Variants in KIRREL3 observed in about 807,000 individuals in gnomAD.
The protein encoded by KIRREL3 is kirre like nephrin family adhesion molecule 3, also known as kin of IRRE-like protein 3.
KIRREL3 carries 36 observed loss-of-function variants against 89.7 expected under a neutral mutation model. The observed-to-expected ratio is 0.40, with a 90% CI of 0.31 to 0.53. The LOEUF is 0.53. KIRREL3 is among the 20% of genes least tolerant of loss of function. KIRREL3 has a pLI of 0.49. For missense variants in KIRREL3, 864 were observed against 1,056.6 expected (o/e 0.82, Z 2.53); for synonymous variants, 445 against 441.4 (o/e 1.01, Z -0.10).
At chr11:126,774,688 G>C (rs1354027928) in intron 1 of KIRREL3, among the ~76,000 whole-genome samples, 1 of 152,044 alleles carries the variant, frequency 6.6e-6, no homozygotes, top group Non-Finnish European at 1.5e-5. Flanking sequence ...GTTCTCTCAG[G>C]TCCAGCTGAA....
chr11:126,658,482 A>G (rs1269519615), intron 1 of KIRREL3, among the ~76,000 whole-genome samples: 1 of 152,204 alleles, frequency 6.6e-6, no homozygotes, highest in Non-Finnish European at 1.5e-5. Flanking sequence ...ATGAATGTTC[A>G]CCACTGCAGT....
intron 11 of KIRREL3, among the ~76,000 whole-genome samples, chr11:126,439,845 A>C (rs1013846746): frequency 3.3e-5 from 5 of 150,480 alleles, no homozygotes; most frequent in Middle Eastern, 3.4e-3. Flanking sequence ...AAACAAACCC[A>C]AAAAACACAC....
Position 126,788,633 on chromosome 11 carries a change from T to G in KIRREL3, c.55+211822A>C, listed in dbSNP as rs1218563410. ...TGTGCTGCAGTTGCTATGTCTTGGGTTAAAAGTCTGTTTAGCCTCACCAGA... is the reference window on the plus strand; with the variant it reads ...TGTGCTGCAGTTGCTATGTCTTGGGGTAAAAGTCTGTTTAGCCTCACCAGA... On this transcript the variant is annotated intron_variant, in intron 1 of 16. Transcript: ENST00000525144. This position sits in a 1 kb window ranked among gnomAD's most constrained non-coding sequence, Gnocchi z 4.1. Among the ~76,000 whole-genome samples the G allele has an allele frequency of 6.6e-6, 1 of 152,140 alleles. No homozygotes were observed. The highest frequency in any genetic ancestry group is 1.5e-5 in the Non-Finnish European group (1 of 68,034).
At position 126,900,171 on chromosome 11, in the gene KIRREL3, A is replaced by G. The variant is rs1215282308; in HGVS notation, c.55+100284T>C. 1.3e-5 allele frequency among the ~76,000 whole-genome samples: 2 copies of G among 152,190 alleles called. No homozygotes were observed. The highest frequency in any genetic ancestry group is 4.8e-5 in the African/African-American group (2 of 41,458). On this transcript the variant is annotated intron_variant, in intron 1 of 16. Transcript: ENST00000525144. This position sits in a 1 kb window ranked among gnomAD's most constrained non-coding sequence, Gnocchi z 4.4. Reference sequence around the variant, plus strand: ...AGTGTATCTGTTCCCATGTGTGTAAATATACAGCTCTCATGTGCCTAATTT... The same window carrying G: ...AGTGTATCTGTTCCCATGTGTGTAAGTATACAGCTCTCATGTGCCTAATTT...
chr11:126,878,330 C>G (rs1765927692), intron 1 of KIRREL3, among the ~76,000 whole-genome samples: 1 of 152,130 alleles, frequency 6.6e-6, no homozygotes, highest in Non-Finnish European at 1.5e-5. Flanking sequence ...TGGGGTCTCA[C>G]CACCTCCCAC....
chr11:126,444,859 T>A, intron 10 of KIRREL3, 120 bp downstream of exon 10: 1 of 1,328,832 alleles, frequency 7.5e-7, no homozygotes, highest in Non-Finnish European at 1.0e-6. Flanking sequence ...CTACCCATAG[T>A]TGGAGGTGAC....
rs1471894643 is a variant in KIRREL3, at chr11:126,814,807, G to A, written c.55+185648C>T. Among the ~76,000 whole-genome samples, 2 of 152,156 alleles carry A rather than the reference G, an allele frequency of 1.3e-5. No individual in the cohort carries two copies. Among genetic ancestry groups the A allele is most frequent in the East Asian group, 1.9e-4 (1 of 5,194 alleles). The stretch of plus-strand genomic sequence containing the variant: ...GGGAGGGAGAGCACTAGGAAGAATA[G>A]CTAATGGATGCTGGGCTTAATACCT... On this transcript the variant is annotated intron_variant, in intron 1 of 16. Transcript: ENST00000525144. The surrounding 1 kb of genome is among the most constrained non-coding windows in gnomAD (Gnocchi z 4.4).
intron 1 of KIRREL3, among the ~76,000 whole-genome samples, chr11:126,692,960 C>G (rs963093074): frequency 5.9e-5 from 9 of 152,218 alleles, no homozygotes; most frequent in Admixed American, 1.3e-4. Context: ...TGGCCCATAG[C>G]CTGTGGTGGA....
intron 1 of KIRREL3, among the ~76,000 whole-genome samples, chr11:126,849,684 A>C (rs1436988298): frequency 6.6e-6 from 1 of 152,146 alleles, no homozygotes; most frequent in Non-Finnish European, 1.5e-5. Flanking sequence ...GGCGGTGGGG[A>C]GAACGGGCAC....
chr11:126,839,875 A>G (rs1007685391), intron 1 of KIRREL3, among the ~76,000 whole-genome samples: 5 of 152,194 alleles, frequency 3.3e-5, no homozygotes, highest in African/African-American at 7.2e-5. Flanking sequence ...GTCTTTTTGA[A>G]CCAAAATGCA....
chr11:126,473,531 T>C (rs1956983785), intron 4 of KIRREL3, 65 bp from the exon 5 acceptor site: 27 of 1,402,852 alleles, frequency 1.9e-5, no homozygotes, highest in Non-Finnish European at 2.6e-5. Context: ...GCAGGCAGGC[T>C]GGGAGGATTT....
At chr11:126,873,486 G>A (rs1207125725) in intron 1 of KIRREL3, among the ~76,000 whole-genome samples, 1 of 152,188 alleles carries the variant, frequency 6.6e-6, no homozygotes, top group Non-Finnish European at 1.5e-5. Flanking sequence ...CTGGCTGCAG[G>A]AAAGTATGTG....
rs1945087822 is a variant in KIRREL3, at chr11:126,655,341, C to T, written c.56-92429G>A. On this transcript the variant is annotated intron_variant, in intron 1 of 16. Coordinates refer to ENST00000525144, the MANE Select transcript of KIRREL3 (RefSeq NM_032531.4). The surrounding 1 kb of genome is among the most constrained non-coding windows in gnomAD (Gnocchi z 5.0). ...CAGGGCTTGCAGAGGCAGGGACTTG[C>T]CAAGGTGCTAACTGCCTGAATCCTC... 1.3e-5 allele frequency among the ~76,000 whole-genome samples: 2 copies of T among 152,160 alleles called. No individual in the cohort carries two copies. The highest frequency in any genetic ancestry group is 4.8e-5 in the African/African-American group (2 of 41,452).
At position 126,742,436 on chromosome 11, in the gene KIRREL3, A is replaced by C. The variant is rs1202004627; in HGVS notation, c.56-179524T>G. Among the ~76,000 whole-genome samples, 2 of 152,176 alleles carry C rather than the reference A, an allele frequency of 1.3e-5. No homozygotes were observed. Among genetic ancestry groups the C allele is most frequent in the African/African-American group, 4.8e-5 (2 of 41,428 alleles). ...TGATAATATGGAATGGCCAACATGA[A>C]GCAGAAGTCAATCTCTTCGTCAGGC... On this transcript the variant is annotated intron_variant, in intron 1 of 16. Transcript: ENST00000525144. The surrounding 1 kb of genome is among the most constrained non-coding windows in gnomAD (Gnocchi z 5.3).
intron 1 of KIRREL3, among the ~76,000 whole-genome samples, chr11:126,852,381 T>C (rs1944374333): frequency 6.6e-6 from 1 of 152,196 alleles, no homozygotes; most frequent in Non-Finnish European, 1.5e-5. Flanking sequence ...AGCTCTACTA[T>C]TTATTACTTA....
chr11:126,461,353 T>A (rs1956535054), intron 6 of KIRREL3, among the ~76,000 whole-genome samples: 1 of 152,224 alleles, frequency 6.6e-6, no homozygotes, highest in Admixed American at 6.5e-5. Flanking sequence ...GGTCGGAGAT[T>A]AAGGAGGCCT....
rs1315192996 is a variant in KIRREL3, at chr11:126,477,026, A to G, written c.434-3560T>C. On this transcript the variant is annotated intron_variant, in intron 4 of 16. Transcript: ENST00000525144. The surrounding 1 kb of genome is among the most constrained non-coding windows in gnomAD (Gnocchi z 4.8). Reference sequence around the variant, plus strand: ...GTTGTGCTTGTTGTCAGTCAGGAAAAAAATGGCATTAACTGTTGGGGCACT... The same window carrying G: ...GTTGTGCTTGTTGTCAGTCAGGAAAGAAATGGCATTAACTGTTGGGGCACT... Among the ~76,000 whole-genome samples the G allele has an allele frequency of 6.6e-6, 1 of 152,238 alleles. No homozygotes were observed. Among genetic ancestry groups the G allele is most frequent in the Non-Finnish European group, 1.5e-5 (1 of 68,042 alleles).
chr11:126,756,907 G>A (rs531309074), intron 1 of KIRREL3, among the ~76,000 whole-genome samples: 4 of 152,268 alleles, frequency 2.6e-5, no homozygotes, highest in African/African-American at 9.6e-5. Flanking sequence ...TTTCTCGAAG[G>A]CACCACCTGC....
Position 126,489,163 on chromosome 11 carries a change from G to A in KIRREL3, c.434-15697C>T, listed in dbSNP as rs1384991950. ...CAGCATGGGGCTGAGCAGGACGGAA[G>A]CTGTAGATGGATGCGCTGCGTTTGC... is the stretch of plus-strand genomic sequence containing the variant. On this transcript the variant is annotated intron_variant, in intron 4 of 16. Coordinates refer to ENST00000525144, the MANE Select transcript of KIRREL3 (RefSeq NM_032531.4). This position sits in a 1 kb window ranked among gnomAD's most constrained non-coding sequence, Gnocchi z 5.5. Among the ~76,000 whole-genome samples, 1 of 152,212 alleles carries A rather than the reference G, an allele frequency of 6.6e-6. No individual in the cohort carries two copies. The highest frequency in any genetic ancestry group is 1.5e-5 in the Non-Finnish European group (1 of 68,036).
Sources: allele counts gnomAD v4.1 joint callset (sites outside exome capture counted in the v4.1 genomes callset), GRCh38; gene constraint gnomAD v4.1.1; non-coding constraint Gnocchi (gnomAD v3.1); transcripts MANE v1.5; gene names NCBI Gene and HGNC (gene_info 2026-07-23, HGNC 2026-07-21).